HMGB1: variants seen among roughly 807,000 people sequenced by gnomAD.
HMGB1 encodes high mobility group box 1.
For synonymous variants in HMGB1, 81 were observed against 84.0 expected, an observed-to-expected ratio of 0.96 and a Z score of 0.19; for missense variants, 79 against 253.5, an observed-to-expected ratio of 0.31 and a Z score of 4.67.
At chr13:30,463,380 G>A (rs746817748) in intron 2 of HMGB1, 28 bp from the exon 3 acceptor site, 3 of 1,576,248 alleles carry the variant, frequency 1.9e-6, no homozygotes, top group East Asian at 4.5e-5. Context: ...GTAAGTTTAA[G>A]TTGTAACATT....
chr13:30,597,617 G>A (rs982417472), intron 1 of HMGB1, among the ~76,000 whole-genome samples: 1 of 152,158 alleles, frequency 6.6e-6, no homozygotes, highest in African/African-American at 2.4e-5. Context: ...TATACCACAA[G>A]CCTGTCAGTT....
intron 1 of HMGB1, among the ~76,000 whole-genome samples, chr13:30,612,702 T>C (rs1235088064): frequency 6.6e-6 from 1 of 152,216 alleles, no homozygotes; most frequent in Non-Finnish European, 1.5e-5. Flanking sequence ...CAATTCACCC[T>C]GAAGTGACAA....
intron 1 of HMGB1, among the ~76,000 whole-genome samples, chr13:30,541,216 G>C (rs1593300035): frequency 6.6e-6 from 1 of 152,174 alleles, no homozygotes; most frequent in South Asian, 2.1e-4. Context: ...CTCAGAGCTA[G>C]TGTGTGGTGG....
intron 1 of HMGB1, among the ~76,000 whole-genome samples, chr13:30,494,348 A>C (rs1410561504): frequency 6.6e-6 from 1 of 152,164 alleles, no homozygotes; most frequent in Non-Finnish European, 1.5e-5. Context: ...ACATAACATA[A>C]AAGTTACCAT....
chr13:30,546,188 C>T (rs937489397), intron 1 of HMGB1, among the ~76,000 whole-genome samples: 1 of 152,120 alleles, frequency 6.6e-6, no homozygotes, highest in African/African-American at 2.4e-5. Context: ...TGATCTCAGC[C>T]CACTGTAATC....
At chr13:30,585,466 T>C (rs1373551945) in intron 1 of HMGB1, among the ~76,000 whole-genome samples, 2 of 152,140 alleles carry the variant, frequency 1.3e-5, no homozygotes, top group African/African-American at 4.8e-5. Context: ...GGTGGGCAGA[T>C]CACTTAAGGT....
At chr13:30,469,719 G>T (rs926708714), upstream of HMGB1, among the ~76,000 whole-genome samples, 1 of 151,892 alleles carries the variant, frequency 6.6e-6, no homozygotes, top group African/African-American at 2.4e-5. Flanking sequence ...CAACCTCTGC[G>T]TCCTTGGTTT....
Position 30,608,490 on chromosome 13 carries a change from G to A in HMGB1, c.-15+8181C>T, listed in dbSNP as rs137858455. On this transcript the variant is annotated intron_variant, in intron 1 of 4. Coordinates refer to the HMGB1 transcript ENST00000405805. ...ATACTCCACATAAAACTTCCTTACCGTAATATTCATGGCTGACCTCTACTC... is the reference window on the plus strand; with the variant it reads ...ATACTCCACATAAAACTTCCTTACCATAATATTCATGGCTGACCTCTACTC... Among the ~76,000 whole-genome samples, 5 of 152,190 alleles carry A rather than the reference G, an allele frequency of 3.3e-5. No individual in the cohort carries two copies. In the South Asian group the frequency reaches 6.2e-4, roughly 19 times the overall value.
chr13:30,581,998 G>A (rs1169529736), intron 1 of HMGB1, among the ~76,000 whole-genome samples: 1 of 152,158 alleles, frequency 6.6e-6, no homozygotes, highest in African/African-American at 2.4e-5. Context: ...GGTAGAGAAG[G>A]CAAACAGAAT....
chr13:30,495,680 G>A (rs1374601314), intron 1 of HMGB1, among the ~76,000 whole-genome samples: 4 of 152,028 alleles, frequency 2.6e-5, no homozygotes, highest in Admixed American at 6.6e-5. Context: ...GGGTTTCACC[G>A]TGTTAGCCAG....
At chr13:30,549,100 C>A (rs1376304887) in intron 1 of HMGB1, among the ~76,000 whole-genome samples, 1 of 152,014 alleles carries the variant, frequency 6.6e-6, no homozygotes, top group African/African-American at 2.4e-5. Context: ...AGTTCAACAC[C>A]AGCCTGGGCA....
chr13:30,497,473 T>C (rs965912184), intron 1 of HMGB1, among the ~76,000 whole-genome samples: 16 of 151,316 alleles, frequency 1.1e-4, no homozygotes, highest in Non-Finnish European at 2.1e-4. Flanking sequence ...TCATTTTAGG[T>C]TCGGGGATAC....
At chr13:30,493,609 G>A (rs1365431864) in intron 1 of HMGB1, among the ~76,000 whole-genome samples, 1 of 152,016 alleles carries the variant, frequency 6.6e-6, no homozygotes, top group East Asian at 1.9e-4. Flanking sequence ...GCCTGGGCAA[G>A]ATAGCAAGAC....
intron 1 of HMGB1, among the ~76,000 whole-genome samples, chr13:30,558,716 A>G (rs571634083): frequency 3.3e-5 from 5 of 152,304 alleles, no homozygotes; most frequent in Admixed American, 2.6e-4. Context: ...GATACTGCAA[A>G]TGTTGATCCT....
At chr13:30,488,551 C>T (rs573168574) in intron 1 of HMGB1, among the ~76,000 whole-genome samples, 2 of 151,902 alleles carry the variant, frequency 1.3e-5, no homozygotes, top group East Asian at 3.9e-4. Flanking sequence ...TGGCCCAAAC[C>T]CAGCTCACTG....
intron 1 of HMGB1, among the ~76,000 whole-genome samples, chr13:30,509,643 G>A (rs1887947175): frequency 6.6e-6 from 1 of 152,124 alleles, no homozygotes; most frequent in African/African-American, 2.4e-5. Context: ...AGATAATGCA[G>A]GAATATGAGT....
chr13:30,598,630 A>G (rs1406477832), intron 1 of HMGB1, among the ~76,000 whole-genome samples: 2 of 152,220 alleles, frequency 1.3e-5, no homozygotes, highest in Admixed American at 1.3e-4. Context: ...GCTGGCCTAT[A>G]TGCATGTATG....
At chr13:30,576,657 T>A (rs1341945149) in intron 1 of HMGB1, among the ~76,000 whole-genome samples, 1 of 151,830 alleles carries the variant, frequency 6.6e-6, no homozygotes, top group African/African-American at 2.4e-5. Flanking sequence ...TCCACTGCCA[T>A]CCACACACGT....
intron 1 of HMGB1, among the ~76,000 whole-genome samples, chr13:30,605,273 G>A (rs570394882): frequency 6.6e-6 from 1 of 152,258 alleles, no homozygotes; most frequent in African/African-American, 2.4e-5. Context: ...GGGAGAGGCT[G>A]GGGTGGCAAT....
Sources: allele counts gnomAD v4.1 joint callset (sites outside exome capture counted in the v4.1 genomes callset), GRCh38; gene constraint gnomAD v4.1.1; transcripts MANE v1.5; gene names NCBI Gene and HGNC (gene_info 2026-07-23, HGNC 2026-07-21).